The following FGF13 variants were observed in gnomAD, a reference collection of about 807,000 sequenced individuals.
FGF13 encodes the protein fibroblast growth factor homologous factor 2.
FGF13 carries 2 observed loss-of-function variants against 19.5 expected under a neutral mutation model. The observed-to-expected ratio is 0.10, with a 90% CI of 0.04 to 0.32. FGF13 has a LOEUF of 0.32. Among genes scored for constraint, FGF13 ranks in the 10% least tolerant of loss-of-function variants. FGF13 has a pLI of 1.00. For synonymous variants in FGF13, 72 were observed against 76.9 expected, an observed-to-expected ratio of 0.94 and a Z score of 0.33; for missense variants, 113 against 192.7, an observed-to-expected ratio of 0.59 and a Z score of 2.45.
At chrX:138,720,258 A>G (rs2090138549) in intron 1 of FGF13, among the ~76,000 whole-genome samples, 1 of 112,540 alleles carries the variant, frequency 8.9e-6, no homozygotes, top group Non-Finnish European at 1.9e-5. Flanking sequence ...TTATTTGAAG[A>G]CCTGCTGTAT....
At chrX:138,940,801 TG>T (rs2124272482) in intron 1 of FGF13, among the ~76,000 whole-genome samples, 1 of 111,377 alleles carries the variant, frequency 9.0e-6, no homozygotes, top group South Asian at 3.8e-4. Context: ...TGTCTGTTTT[TG>T]TACCAGTATC....
intron 1 of FGF13, among the ~76,000 whole-genome samples, chrX:138,954,095 C>CGAGAGATA: frequency 1.1e-5 from 1 of 94,188 alleles, no homozygotes; most frequent in South Asian, 5.7e-4. Flanking sequence ...GTAAATTTAA[C>CGAGAGATA]GAGAGAGAGA....
chrX:139,017,350 T>C (rs1181650700), intron 1 of FGF13, among the ~76,000 whole-genome samples: 6 of 108,212 alleles, frequency 5.5e-5, no homozygotes, highest in Admixed American at 1.0e-4. Flanking sequence ...TATATATATA[T>C]ATACACACAC....
At chrX:138,809,317 T>G (rs1463018094) in intron 3 of FGF13, among the ~76,000 whole-genome samples, 6 of 111,777 alleles carry the variant, frequency 5.4e-5, no homozygotes, top group African/African-American at 1.6e-4. Flanking sequence ...ATGTAATCCA[T>G]CACATAAACA....
At chrX:139,056,649 T>C (rs2092321365) in intron 1 of FGF13, among the ~76,000 whole-genome samples, 1 of 112,361 alleles carries the variant, frequency 8.9e-6, no homozygotes, top group South Asian at 3.7e-4. Context: ...TTATGAGTAA[T>C]AATGTGGGTG....
intron 3 of FGF13, among the ~76,000 whole-genome samples, chrX:138,765,964 C>A (rs1318882808): frequency 9.0e-6 from 1 of 111,288 alleles, no homozygotes; most frequent in Non-Finnish European, 1.9e-5. Flanking sequence ...TGCTCTCTCG[C>A]CCATCTTACC....
intron 3 of FGF13, among the ~76,000 whole-genome samples, chrX:138,823,068 C>T (rs1284213413): frequency 2.7e-5 from 3 of 111,582 alleles, no homozygotes; most frequent in African/African-American, 9.8e-5. Flanking sequence ...ACTGAAGGAA[C>T]AGCATGAACA....
chrX:138,747,872 C>T (rs1425973905), intron 3 of FGF13, among the ~76,000 whole-genome samples: 1 of 111,180 alleles, frequency 9.0e-6, no homozygotes, highest in East Asian at 2.9e-4. Context: ...CTTTTGGAGG[C>T]CTGGTACCTT....
chrX:138,658,772 C>G (rs2089460482), intron 3 of FGF13, among the ~76,000 whole-genome samples: 1 of 111,710 alleles, frequency 9.0e-6, no homozygotes, highest in African/African-American at 3.3e-5. Flanking sequence ...AAGAATGATA[C>G]TGACCTTTCT....
chrX:139,064,994 T>C (rs753146082), intron 1 of FGF13, among the ~76,000 whole-genome samples: 1 of 111,372 alleles, frequency 9.0e-6, no homozygotes, highest in Admixed American at 9.6e-5. Context: ...CTTCATGAAG[T>C]TCTCATGCAG....
intron 2 of FGF13, among the ~76,000 whole-genome samples, chrX:138,706,545 G>T (rs1028153388): frequency 1.4e-4 from 16 of 111,102 alleles, no homozygotes; most frequent in African/African-American, 5.2e-4. Flanking sequence ...AATAATGAAG[G>T]TTAATAAAAA....
chrX:138,768,691 TAAGTATATATTATATATATATATATAA>T (rs1569388402), intron 3 of FGF13, among the ~76,000 whole-genome samples: 42 of 100,335 alleles, frequency 4.2e-4, no homozygotes, highest in African/African-American at 1.6e-3. Context: ...TACTTATATA[TAAGTATATATTATATATATATATATAA>T]GTATATATTA....
At position 138,999,754 on chromosome X, in the gene FGF13, G is replaced by A. The variant is rs2092063242; in HGVS notation, c.-112-135104C>T. Among the ~76,000 whole-genome samples the A allele has an allele frequency of 2.7e-5, 3 of 111,756 alleles. No homozygotes were observed. In the Admixed American group the frequency reaches 2.8e-4, roughly 11 times the overall value. ...ACATTCACAACCGAATTCCACCAGAGGTAGAAAGAGGAGCTGGTACCATTC... is the reference window on the plus strand; with the variant it reads ...ACATTCACAACCGAATTCCACCAGAAGTAGAAAGAGGAGCTGGTACCATTC... On this transcript the variant is annotated intron_variant, in intron 1 of 2. Transcript: ENST00000421460.
intron 3 of FGF13, among the ~76,000 whole-genome samples, chrX:138,656,157 T>A (rs1377745158): frequency 2.7e-5 from 3 of 111,428 alleles, no homozygotes; most frequent in African/African-American, 9.8e-5. Context: ...GTAGGAGTAA[T>A]CATAGTGCAC....
At chrX:138,986,050 C>G (rs1353132049) in intron 1 of FGF13, among the ~76,000 whole-genome samples, 1 of 111,657 alleles carries the variant, frequency 9.0e-6, no homozygotes, top group Non-Finnish European at 1.9e-5. Flanking sequence ...TTTTTACAAC[C>G]AGACAACTTG....
At chrX:138,949,769 A>C (rs1373704736) in intron 1 of FGF13, among the ~76,000 whole-genome samples, 1 of 112,029 alleles carries the variant, frequency 8.9e-6, no homozygotes, top group Non-Finnish European at 1.9e-5. Flanking sequence ...GAAAAATAGT[A>C]AATGGTTTGC....
chrX:139,071,123 TATA>T (rs2092375349), intron 1 of FGF13, among the ~76,000 whole-genome samples: 1 of 111,351 alleles, frequency 9.0e-6, no homozygotes, highest in Non-Finnish European at 1.9e-5. Flanking sequence ...TAATTTAAAG[TATA>T]ATAATAATAA....
At chrX:138,832,820 T>C (rs768785438) in intron 3 of FGF13, among the ~76,000 whole-genome samples, 1 of 112,444 alleles carries the variant, frequency 8.9e-6, no homozygotes, top group East Asian at 2.8e-4. Context: ...CTTTAATCCT[T>C]CTTCAGTTGA....
intron 1 of FGF13, among the ~76,000 whole-genome samples, chrX:138,918,612 C>G (rs1304636970): frequency 8.9e-6 from 1 of 111,824 alleles, no homozygotes; most frequent in African/African-American, 3.2e-5. Context: ...CTGAGGGATA[C>G]AACTATTAAA....
Sources: gnomAD v4.1 joint callset for allele counts (sites outside exome capture counted in the v4.1 genomes callset) on GRCh38, gnomAD v4.1.1 for gene constraint, MANE v1.5 for transcripts, NCBI Gene and HGNC (gene_info 2026-07-23, HGNC 2026-07-21) for gene names.